Variants in ANKS1B observed in about 807,000 individuals in gnomAD.
ANKS1B encodes ankyrin repeat and sterile alpha motif domain containing 1B, also known as ankyrin repeat and sterile alpha motif domain-containing protein 1B.
Under a neutral mutation model 148.3 loss-of-function variants are expected in ANKS1B, and 36 were observed. The observed-to-expected ratio is 0.24, with a 90% CI of 0.19 to 0.32. ANKS1B has a LOEUF of 0.32. Ranked by LOEUF, ANKS1B falls within the 10% of genes least tolerant of loss-of-function variation. The probability of loss-of-function intolerance (pLI) is 1.00; values close to 1 mark genes in which losing one functional copy is unlikely to be tolerated. For synonymous variants in ANKS1B, 542 were observed against 560.8 expected (o/e 0.97, Z 0.47); for missense variants, 1,157 against 1,542.6 (o/e 0.75, Z 4.19).
intron 24 of ANKS1B, among the ~76,000 whole-genome samples, chr12:98,777,008 T>G (rs2098685128): frequency 6.6e-6 from 1 of 152,166 alleles, no homozygotes; most frequent in Non-Finnish European, 1.5e-5. Flanking sequence ...CTAGGCAATA[T>G]AGCGAGATCC....
rs922066185 is a variant in ANKS1B at position 99,469,111 on chromosome 12, T to C, written c.1439-25302A>G. ...TACACCATGGAATACTATGCAGACATAAAAAAGGATGAGTTCATGTCCTTT... is the reference window on the plus strand; with the variant it reads ...TACACCATGGAATACTATGCAGACACAAAAAAGGATGAGTTCATGTCCTTT... On this transcript the variant is annotated intron_variant, in intron 10 of 26. Transcript: ENST00000683438. Among the ~76,000 whole-genome samples, 839 of 151,672 alleles carry C rather than the reference T, an allele frequency of 5.5e-3. 3 individuals are homozygous for C. Among genetic ancestry groups the C allele is most frequent in the Non-Finnish European group, 9.2e-3 (623 of 67,926 alleles).
At chr12:99,773,191 A>C in intron 7 of ANKS1B, 103 bp from the exon 8 acceptor site, 2 of 938,370 alleles carry the variant, frequency 2.1e-6, no homozygotes, top group Non-Finnish European at 1.6e-6. Context: ...TCAAAATATA[A>C]CAAGATTAAG....
intron 17 of ANKS1B, among the ~76,000 whole-genome samples, chr12:98,858,982 T>C (rs962161018): frequency 6.6e-6 from 1 of 152,240 alleles, no homozygotes; most frequent in Non-Finnish European, 1.5e-5. Flanking sequence ...AGGGTTGTTG[T>C]GTCTTTCTAA....
intron 12 of ANKS1B, among the ~76,000 whole-genome samples, chr12:99,322,222 G>A (rs2085409575): frequency 6.6e-6 from 1 of 152,202 alleles, no homozygotes; most frequent in African/African-American, 2.4e-5. Context: ...GATGAAGCTG[G>A]AAGCCATCAT....
intron 1 of ANKS1B, among the ~76,000 whole-genome samples, chr12:99,829,590 GCA>G (rs1008324029): frequency 3.9e-5 from 6 of 152,234 alleles, no homozygotes; most frequent in Admixed American, 2.6e-4. Flanking sequence ...GGCGGAGCTT[GCA>G]GTAAGCCGAG....
chr12:99,672,447 C>A (rs2098542404), intron 8 of ANKS1B, among the ~76,000 whole-genome samples: 1 of 152,104 alleles, frequency 6.6e-6, no homozygotes, highest in Non-Finnish European at 1.5e-5. Context: ...GACCCTGTGC[C>A]ACTAAATCTG....
intron 25 of ANKS1B, among the ~76,000 whole-genome samples, chr12:98,770,059 G>T (rs1043388443): frequency 6.6e-6 from 1 of 152,178 alleles, no homozygotes; most frequent in African/African-American, 2.4e-5. Context: ...GTTAACTGAC[G>T]TCAGCAGGCA....
intron 8 of ANKS1B, among the ~76,000 whole-genome samples, chr12:99,747,449 C>T (rs1481147465): frequency 2.0e-5 from 3 of 152,040 alleles, no homozygotes; most frequent in Non-Finnish European, 4.4e-5. Flanking sequence ...CAGAGAAATG[C>T]AACTGTTTCC....
chr12:99,403,942 G>A (rs2094472105), intron 11 of ANKS1B, among the ~76,000 whole-genome samples: 1 of 146,350 alleles, frequency 6.8e-6, no homozygotes. Context: ...ATCAGTGATA[G>A]ACTGGATAAA....
intron 17 of ANKS1B, among the ~76,000 whole-genome samples, chr12:98,978,571 A>C (rs1394963562): frequency 6.6e-6 from 1 of 152,104 alleles, no homozygotes; most frequent in Non-Finnish European, 1.5e-5. Flanking sequence ...AAAACTTAAA[A>C]TAAATTTCTA....
intron 9 of ANKS1B, among the ~76,000 whole-genome samples, chr12:99,558,343 T>C (rs893555576): frequency 1.3e-5 from 2 of 152,048 alleles, no homozygotes; most frequent in African/African-American, 4.8e-5. Context: ...CAGGATAGCA[T>C]AGTGTGCTCA....
chr12:98,805,474 C>A (rs1015557186), intron 20 of ANKS1B, among the ~76,000 whole-genome samples: 1 of 152,114 alleles, frequency 6.6e-6, no homozygotes, highest in African/African-American at 2.4e-5. Flanking sequence ...CACATGTTTG[C>A]AACTGCCAAC....
chr12:99,208,229 A>C (rs1331759581), intron 14 of ANKS1B, among the ~76,000 whole-genome samples: 1 of 152,102 alleles, frequency 6.6e-6, no homozygotes, highest in African/African-American at 2.4e-5. Context: ...TAAAGAGCTA[A>C]GAGTTTTTCC....
At chr12:98,943,762 T>A (rs113857688) in intron 17 of ANKS1B, among the ~76,000 whole-genome samples, 602 of 152,358 alleles carry the variant, frequency 4.0e-3, no homozygotes, top group Non-Finnish European at 7.2e-3. Flanking sequence ...TAACCCACCT[T>A]TGCCGTCTAC....
intron 17 of ANKS1B, among the ~76,000 whole-genome samples, chr12:98,982,852 G>C (rs920559315): frequency 2.6e-4 from 40 of 152,166 alleles, no homozygotes; most frequent in African/African-American, 8.2e-4. Context: ...TCTTGCATAA[G>C]TTCCTGGTGC....
chr12:99,046,861 T>C (rs1403207318), intron 17 of ANKS1B, among the ~76,000 whole-genome samples: 1 of 146,468 alleles, frequency 6.8e-6, no homozygotes, highest in African/African-American at 2.5e-5. Context: ...CTTGTGAAGA[T>C]GAAAACTATA....
At chr12:99,882,286 T>C (rs1292377607) in intron 1 of ANKS1B, among the ~76,000 whole-genome samples, 1 of 152,086 alleles carries the variant, frequency 6.6e-6, no homozygotes, top group African/African-American at 2.4e-5. Context: ...AATATCACAA[T>C]GCCTAATATG....
At position 98,838,333 on chromosome 12, in the gene ANKS1B, A is replaced by G. The variant is rs1457730602; in HGVS notation, c.2779-6197T>C. Among the ~76,000 whole-genome samples the G allele has an allele frequency of 3.9e-5, 6 of 152,240 alleles. No homozygotes were observed. The South Asian group carries it at 6.2e-4, about 16-fold the overall frequency. On this transcript the variant is annotated intron_variant, in intron 17 of 26. Transcript: ENST00000683438. ...ACTGCAAGAATCACACAAGTCACGC[A>G]GAAAAGTCATGTAGCAACAGTCTGT...
chr12:99,363,456 G>A (rs2092601038), intron 12 of ANKS1B, among the ~76,000 whole-genome samples: 1 of 152,030 alleles, frequency 6.6e-6, no homozygotes, highest in Admixed American at 6.6e-5. Flanking sequence ...AAGTGATACA[G>A]GCTACCAAGA....
Sources: gnomAD v4.1 joint callset for allele counts (sites outside exome capture counted in the v4.1 genomes callset) on GRCh38, gnomAD v4.1.1 for gene constraint, MANE v1.5 for transcripts, NCBI Gene and HGNC (gene_info 2026-07-23, HGNC 2026-07-21) for gene names.